The following NUGGC variants were observed in gnomAD, a reference collection of about 807,000 sequenced individuals.
NUGGC encodes the protein nuclear GTPase SLIP-GC.
A neutral mutation model predicts 92.6 loss-of-function variants in NUGGC; 58 were observed. The ratio of observed to expected loss-of-function variants is 0.63; its 90% CI spans 0.51 to 0.78. The LOEUF is 0.78. NUGGC is among the 30% of genes least tolerant of loss of function. The probability of loss-of-function intolerance (pLI) is 0.00; values close to 1 mark genes in which losing one functional copy is unlikely to be tolerated. For missense variants in NUGGC, 925 were observed against 964.6 expected (o/e 0.96, Z 0.54); for synonymous variants, 376 against 366.4 (o/e 1.03, Z -0.30).
At chr8:28,076,726 A>G (rs1810731409) in intron 1 of NUGGC, among the ~76,000 whole-genome samples, 1 of 152,210 alleles carries the variant, frequency 6.6e-6, no homozygotes, top group Non-Finnish European at 1.5e-5. Flanking sequence ...GGAATATTTG[A>G]TGTGAGGTAG....
chr8:28,075,274 C>G (rs145979405), intron 1 of NUGGC, among the ~76,000 whole-genome samples: 1 of 152,132 alleles, frequency 6.6e-6, no homozygotes, highest in African/African-American at 2.4e-5. Flanking sequence ...GGAGGACACC[C>G]CTCCTGGGCT....
rs1265259703 is a variant in NUGGC at position 28,076,304 on chromosome 8, GGTTT to G, written c.-46-1852_-46-1849del. Among the ~76,000 whole-genome samples the G allele has an allele frequency of 7.2e-5, 11 of 152,262 alleles. No individual in the cohort carries two copies. The South Asian group carries it at 1.9e-3, about 26-fold the overall frequency. On this transcript the variant is annotated intron_variant, in intron 1 of 18. Transcript: ENST00000413272. ...GCTAAATTTGTTGTTTTGGTCTGGT[GGTTT>G]GTTTGCTTGTGACAGAGTCTTGCTC...
At chr8:28,030,935 G>A (rs540187596) in intron 15 of NUGGC, among the ~76,000 whole-genome samples, 1 of 152,328 alleles carries the variant, frequency 6.6e-6, no homozygotes, top group South Asian at 2.1e-4. Context: ...TCCAGTTGAT[G>A]CAAATTTTCA....
rs556309709 is a variant in NUGGC at position 28,022,421 on chromosome 8, G to A, written c.*896C>T. 6.6e-6 allele frequency: 1 copy of A among 151,090 alleles called. No individual in the cohort carries two copies. Among genetic ancestry groups the A allele is most frequent in the Admixed American group, 6.6e-5 (1 of 15,162 alleles). 9.4% of individuals were successfully genotyped at this position (151,090 alleles called of 1,614,324 possible). ...GATCCGCCCGCCTCAGCCTCCCAAA[G>A]TGCTGGGATTACGGGAGTGAGCCAC... On this transcript the variant is annotated 3_prime_UTR_variant, in exon 19 of 19. Transcript: ENST00000413272.
intron 17 of NUGGC, among the ~76,000 whole-genome samples, chr8:28,028,219 T>C (rs896617979): frequency 7.9e-5 from 12 of 152,200 alleles, no homozygotes. Flanking sequence ...AGTGTCTATG[T>C]ACACAATGGG....
intron 13 of NUGGC, among the ~76,000 whole-genome samples, chr8:28,040,747 A>G (rs1809674131): frequency 6.6e-6 from 1 of 151,962 alleles, no homozygotes; most frequent in South Asian, 2.1e-4. Flanking sequence ...CCCTGGTTCA[A>G]GCAATTCTCC....
intron 10 of NUGGC, among the ~76,000 whole-genome samples, chr8:28,048,400 G>C (rs533082456): frequency 6.6e-6 from 1 of 150,862 alleles, no homozygotes; most frequent in Admixed American, 6.6e-5. Context: ...TCAGCCTTTT[G>C]GGTTTTTTGT....
At chr8:28,067,377 G>A (rs144510924) in intron 6 of NUGGC, 137 bp downstream of exon 6, 29 of 649,922 alleles carry the variant, frequency 4.5e-5, no homozygotes, top group African/African-American at 2.2e-4. Flanking sequence ...CTTGGGCTAC[G>A]GATACTTCTA....
intron 18 of NUGGC, among the ~76,000 whole-genome samples, chr8:28,025,925 G>A (rs1040925047): frequency 6.6e-6 from 1 of 152,158 alleles, no homozygotes; most frequent in Non-Finnish European, 1.5e-5. Context: ...CCTCCTTAGA[G>A]GCAACGAGTA....
chr8:28,042,555 T>A (rs1442595446), intron 12 of NUGGC, among the ~76,000 whole-genome samples: 1 of 152,138 alleles, frequency 6.6e-6, no homozygotes, highest in East Asian at 1.9e-4. Flanking sequence ...AGTCCCCAGG[T>A]AGAGGTGGGG....
At chr8:28,031,571 G>T (rs138892584) in intron 14 of NUGGC, among the ~76,000 whole-genome samples, 190 bp from the exon 15 acceptor site, 1 of 152,328 alleles carries the variant, frequency 6.6e-6, no homozygotes, top group East Asian at 1.9e-4. Flanking sequence ...TATGAAGTTC[G>T]TGAGATAATG....
chr8:28,026,008 C>G (rs900202720), intron 18 of NUGGC, among the ~76,000 whole-genome samples: 1 of 152,002 alleles, frequency 6.6e-6, no homozygotes, highest in African/African-American at 2.4e-5. Flanking sequence ...TTCCTTTTTT[C>G]CCCTCTCACA....
At chr8:28,077,376 G>C (rs1186648865) in intron 1 of NUGGC, among the ~76,000 whole-genome samples, 1 of 147,714 alleles carries the variant, frequency 6.8e-6, no homozygotes, top group African/African-American at 2.5e-5. Flanking sequence ...GGGCAATCAA[G>C]TGAGACCTTG....
intron 7 of NUGGC, 65 bp from the exon 8 acceptor site, chr8:28,060,666 C>G: frequency 1.4e-6 from 2 of 1,460,670 alleles, no homozygotes; most frequent in Non-Finnish European, 1.9e-6. Flanking sequence ...AGGACCGGTT[C>G]CCTAATGTAT....
intron 10 of NUGGC, among the ~76,000 whole-genome samples, chr8:28,049,439 T>C (rs1809931818): frequency 6.6e-6 from 1 of 152,256 alleles, no homozygotes; most frequent in Non-Finnish European, 1.5e-5. Flanking sequence ...CTTAGCTGTG[T>C]CCAGATGTTT....
chr8:28,041,874 C>G (rs1563218487), intron 12 of NUGGC, among the ~76,000 whole-genome samples: 1 of 152,132 alleles, frequency 6.6e-6, no homozygotes, highest in Admixed American at 6.5e-5. Context: ...CCAGAGAAAG[C>G]CTTGACCCCT....
chr8:28,049,201 C>T (rs1809925985), intron 10 of NUGGC, among the ~76,000 whole-genome samples: 1 of 152,098 alleles, frequency 6.6e-6, no homozygotes, highest in Non-Finnish European at 1.5e-5. Context: ...GTAGTTAAGG[C>T]TGGAATACGG....
intron 1 of NUGGC, among the ~76,000 whole-genome samples, chr8:28,076,319 G>A (rs1239597582): frequency 2.0e-5 from 3 of 152,228 alleles, no homozygotes; most frequent in South Asian, 2.1e-4. Flanking sequence ...GTTTGCTTGT[G>A]ACAGAGTCTT....
At chr8:28,079,815 G>A (rs1451370075) in intron 1 of NUGGC, among the ~76,000 whole-genome samples, 1 of 152,278 alleles carries the variant, frequency 6.6e-6, no homozygotes, top group African/African-American at 2.4e-5. Flanking sequence ...TCATGAGAAG[G>A]AAGGCTGTTG....
Sources: allele counts gnomAD v4.1 joint callset (sites outside exome capture counted in the v4.1 genomes callset), GRCh38; gene constraint gnomAD v4.1.1; transcripts MANE v1.5; gene names NCBI Gene and HGNC (gene_info 2026-07-23, HGNC 2026-07-21).